The following TTLL13 variants were observed in gnomAD, a reference collection of about 807,000 sequenced individuals.
TTLL13 encodes the protein tubulin tyrosine ligase like 13.
chr15:90,253,154 C>T, the TTLL13 span: 3 of 830,674 alleles, frequency 3.6e-6, no homozygotes, highest in South Asian at 2.0e-5. Flanking sequence ...AACCTGCCCT[C>T]GGGTCAGGTG....
the TTLL13 span, chr15:90,262,499 C>T: frequency 2.7e-6 from 4 of 1,495,692 alleles, no homozygotes; most frequent in Middle Eastern, 1.9e-4. Flanking sequence ...CAGGCAGCAA[C>T]TAGAGGAGAT....
the TTLL13 span, chr15:90,265,417 G>A: frequency 1.6e-6 from 2 of 1,280,276 alleles, no homozygotes; most frequent in East Asian, 3.9e-5. Context: ...GCAGCCGCTG[G>A]GGCGGAGGGA....
chr15:90,259,999 A>G, the TTLL13 span, among the ~76,000 whole-genome samples: 1 of 152,238 alleles, frequency 6.6e-6, no homozygotes, highest in African/African-American at 2.4e-5. Flanking sequence ...CGAGAGCCAC[A>G]GGGCCTGGGA....
chr15:90,253,307 T>G, the TTLL13 span: 2 of 1,613,806 alleles, frequency 1.2e-6, no homozygotes, highest in Non-Finnish European at 1.7e-6. Flanking sequence ...AAGAGTGGAC[T>G]CTGTACTGGA....
the TTLL13 span, chr15:90,257,128 A>G: frequency 6.2e-7 from 1 of 1,610,718 alleles, no homozygotes; most frequent in African/African-American, 1.3e-5. Flanking sequence ...ATGGGTTTGC[A>G]TGCTCCCAGC....
the TTLL13 span, chr15:90,249,947 T>TTTTTTTTATTTATTTATTTA: frequency 1.4e-4 from 21 of 147,664 alleles, no homozygotes; most frequent in East Asian, 1.6e-3. Flanking sequence ...CTGTATTTTA[T>TTTTTTTTATTTATTTATTTA]TTTATTTATT....
chr15:90,252,624 A>G, the TTLL13 span, among the ~76,000 whole-genome samples: 1 of 152,212 alleles, frequency 6.6e-6, no homozygotes, highest in Non-Finnish European at 1.5e-5. Flanking sequence ...ATAAGGAACC[A>G]CACAAGTATG....
the TTLL13 span, chr15:90,251,740 G>A: frequency 3.9e-6 from 3 of 761,332 alleles, no homozygotes; most frequent in Non-Finnish European, 6.7e-6. Flanking sequence ...CTTCCTAGGT[G>A]TCCTCTGCCT....
the TTLL13 span, chr15:90,257,972 C>G: frequency 3.2e-5 from 47 of 1,471,938 alleles, 1 homozygote; most frequent in East Asian, 9.5e-4. Context: ...TGTGAGGGAG[C>G]CTCCTGCCTA....
chr15:90,253,024 A>C, the TTLL13 span, among the ~76,000 whole-genome samples: 3 of 151,994 alleles, frequency 2.0e-5, no homozygotes, highest in South Asian at 2.1e-4. Flanking sequence ...AACAAACAAA[A>C]AACCAGGTTC....
the TTLL13 span, among the ~76,000 whole-genome samples, chr15:90,255,567 A>T: frequency 1.3e-5 from 2 of 152,016 alleles, no homozygotes; most frequent in Non-Finnish European, 2.9e-5. Context: ...GGTAGGAGTC[A>T]CAGAGGGTTT....
At chr15:90,257,048 C>G in the TTLL13 span, 6 of 1,238,132 alleles carry the variant, frequency 4.8e-6, no homozygotes, top group African/African-American at 6.0e-5. Flanking sequence ...TGTGGAAATT[C>G]AATTAGCTAT....
At chr15:90,252,616 A>C in the TTLL13 span, among the ~76,000 whole-genome samples, 1 of 152,178 alleles carries the variant, frequency 6.6e-6, no homozygotes, top group Non-Finnish European at 1.5e-5. Context: ...GCATCTTTAT[A>C]AGGAACCACA....
chr15:90,260,679 C>T, the TTLL13 span, among the ~76,000 whole-genome samples: 1 of 151,624 alleles, frequency 6.6e-6, no homozygotes, highest in Non-Finnish European at 1.5e-5. Flanking sequence ...GGTGAAACCC[C>T]ATCTCTACTA....
At chr15:90,263,863 C>T in the TTLL13 span, 1 of 916,140 alleles carries the variant, frequency 1.1e-6, no homozygotes, top group Non-Finnish European at 1.7e-6. Flanking sequence ...TCCAGTTCTG[C>T]CCCATGAATC....
chr15:90,265,012 G>A, the TTLL13 span: 2 of 1,497,682 alleles, frequency 1.3e-6, no homozygotes, highest in East Asian at 4.9e-5. Context: ...ACCTCCCCAG[G>A]TTTCCAAAGG....
chr15:90,255,177 G>A, the TTLL13 span, among the ~76,000 whole-genome samples: 5 of 152,224 alleles, frequency 3.3e-5, no homozygotes, highest in African/African-American at 1.2e-4. Context: ...GGAATTACCT[G>A]AAGGAAGTGT....
the TTLL13 span, among the ~76,000 whole-genome samples, chr15:90,252,946 T>C: frequency 6.6e-6 from 1 of 152,116 alleles, no homozygotes; most frequent in African/African-American, 2.4e-5. Flanking sequence ...GAGGTTGCAG[T>C]GAGCCAAGAC....
the TTLL13 span, among the ~76,000 whole-genome samples, chr15:90,252,788 A>C: frequency 6.6e-6 from 1 of 152,140 alleles, no homozygotes; most frequent in Non-Finnish European, 1.5e-5. Flanking sequence ...GAATCTCCTG[A>C]GGTCAGGAGT....
Sources: gnomAD v4.1 joint callset for allele counts (sites outside exome capture counted in the v4.1 genomes callset) on GRCh38, gnomAD v4.1.1 for gene constraint, MANE v1.5 for transcripts, NCBI Gene and HGNC (gene_info 2026-07-23, HGNC 2026-07-21) for gene names.